Variants in RERE observed in about 807,000 individuals in gnomAD.
The protein encoded by RERE is arginine-glutamic acid dipeptide repeats.
In RERE, 40 loss-of-function variants were observed where a neutral mutation model predicts 146.1. That is an observed-to-expected ratio of 0.27 (90% CI 0.21 to 0.36). The LOEUF is 0.36. Ranked by LOEUF, RERE falls within the 10% of genes least tolerant of loss-of-function variation. The probability of loss-of-function intolerance (pLI) is 1.00; values close to 1 mark genes in which losing one functional copy is unlikely to be tolerated. For missense variants in RERE, 1,933 were observed against 2,138.7 expected (o/e 0.90, Z 1.90); for synonymous variants, 1,003 against 866.0 (o/e 1.16, Z -2.78).
At position 8,356,100 on chromosome 1, in the gene RERE, C is replaced by T. The variant is rs202052220; in HGVS notation, c.4486G>A (p.Gly1496Ser). The change falls in exon 21 of 23, where the codon GGC (glycine) becomes AGC (serine). Residue 1496 changes from glycine to serine, a missense_variant and splice_region_variant. This residue lies in a region of RERE where 133 missense variants were observed against 168.6 expected (regional missense o/e 0.79). Coordinates refer to ENST00000400908, the MANE Select transcript of RERE (RefSeq NM_001042681.2). This position sits in a 1 kb window ranked among gnomAD's most constrained non-coding sequence, Gnocchi z 5.2. ...GCCCCTCCTGGAGGGGAAGTCTTAC[C>T]GAAAACTGGGTGGCGAAGCATCTCG... ...EHEMLRHPVF[G>S]TPYPRDLPGA... The T allele has an allele frequency of 3.3e-5, 49 of 1,496,906 alleles. No individual in the cohort carries two copies. The highest frequency in any genetic ancestry group is 4.1e-5 in the Non-Finnish European group (46 of 1,125,932). The allele number at this position is 1,496,906 out of a possible 1,614,324, so 92.7% of individuals were successfully genotyped here.
At chr1:8,409,808 G>A (rs1037258561) in intron 12 of RERE, among the ~76,000 whole-genome samples, 2 of 151,962 alleles carry the variant, frequency 1.3e-5, no homozygotes, top group African/African-American at 2.4e-5. Context: ...AGGGCCTGGC[G>A]ACATGATCAA....
At chr1:8,675,407 C>A (rs1349821004) in intron 1 of RERE, among the ~76,000 whole-genome samples, 1 of 147,952 alleles carries the variant, frequency 6.8e-6, no homozygotes, top group Admixed American at 7.0e-5. Flanking sequence ...CCTGTAATCC[C>A]AAACACTTTG....
intron 1 of RERE, among the ~76,000 whole-genome samples, chr1:8,744,742 G>A (rs185967161): frequency 6.6e-6 from 1 of 152,296 alleles, no homozygotes; most frequent in East Asian, 1.9e-4. Context: ...GTTCTACACT[G>A]CATTTTGTGG....
At chr1:8,795,561 T>C (rs1262005948) in intron 1 of RERE, among the ~76,000 whole-genome samples, 1 of 152,218 alleles carries the variant, frequency 6.6e-6, no homozygotes, top group Non-Finnish European at 1.5e-5. Context: ...CACATAATCA[T>C]ACTTCAAGCC....
chr1:8,408,195 C>A (rs945865041), intron 12 of RERE, among the ~76,000 whole-genome samples: 1 of 151,826 alleles, frequency 6.6e-6, no homozygotes, highest in African/African-American at 2.4e-5. Context: ...CTAAGTTAAC[C>A]TCCTCAGCCA....
intron 2 of RERE, among the ~76,000 whole-genome samples, chr1:8,627,509 G>A (rs570405127): frequency 1.3e-5 from 2 of 151,922 alleles, no homozygotes; most frequent in South Asian, 2.1e-4. Context: ...CTTAGAGGCA[G>A]GAGGATTGCT....
rs72867504 is a variant in RERE, at chr1:8,493,711, T to C, written c.1104+1352A>G. 1.7e-3 allele frequency among the ~76,000 whole-genome samples: 264 copies of C among 151,818 alleles called. 1 individual carries two copies. The highest frequency in any genetic ancestry group is 5.1e-3 in the African/African-American group (212 of 41,366). ...CTAACTATAGTGACCTCTCAAGAAA[T>C]TAAAAAAAAAGAAAAAAGAAAAAGA... On this transcript the variant is annotated intron_variant, in intron 10 of 22. Coordinates refer to ENST00000400908, the MANE Select transcript of RERE (RefSeq NM_001042681.2).
intron 1 of RERE, among the ~76,000 whole-genome samples, chr1:8,683,452 C>T (rs1383793884): frequency 6.6e-6 from 1 of 152,090 alleles, no homozygotes; most frequent in African/African-American, 2.4e-5. Context: ...AGGGATGGGA[C>T]ACCTTTCCAA....
intron 12 of RERE, among the ~76,000 whole-genome samples, chr1:8,415,801 T>TG (rs1467418248): frequency 3.3e-5 from 5 of 152,250 alleles, no homozygotes; most frequent in African/African-American, 1.2e-4. Context: ...TCCATTTTAA[T>TG]GGGAACAAAC....
At chr1:8,611,531 C>T in intron 4 of RERE, among the ~76,000 whole-genome samples, 1 of 152,050 alleles carries the variant, frequency 6.6e-6, no homozygotes, top group Non-Finnish European at 1.5e-5. Context: ...AACAAAAAAA[C>T]ACTACTCAAA....
chr1:8,641,458 G>A (rs1395147305), intron 2 of RERE, among the ~76,000 whole-genome samples: 1 of 152,130 alleles, frequency 6.6e-6, no homozygotes, highest in Non-Finnish European at 1.5e-5. Context: ...AAAGGACAGA[G>A]GATTTTAATA....
chr1:8,765,789 T>C (rs1640834834), intron 1 of RERE, among the ~76,000 whole-genome samples: 1 of 152,110 alleles, frequency 6.6e-6, no homozygotes, highest in Non-Finnish European at 1.5e-5. Context: ...CCGTCTCTAC[T>C]AAAAATACAA....
At chr1:8,537,943 GTGC>G (rs978117325) in intron 7 of RERE, among the ~76,000 whole-genome samples, 1 of 152,208 alleles carries the variant, frequency 6.6e-6, no homozygotes, top group African/African-American at 2.4e-5. Context: ...CAAAATTTCA[GTGC>G]TGTTCAATAT....
chr1:8,458,262 AGAT>A (rs998504141), intron 11 of RERE, among the ~76,000 whole-genome samples: 36 of 152,292 alleles, frequency 2.4e-4, no homozygotes, highest in African/African-American at 7.2e-4. Flanking sequence ...GAACAGAGAA[AGAT>A]GATAGAGAGT....
chr1:8,800,940 G>C (rs114364116), intron 1 of RERE, among the ~76,000 whole-genome samples: 1,767 of 152,024 alleles, frequency 0.012, 24 homozygotes, highest in Non-Finnish European at 0.02. Flanking sequence ...ACTCCACCTG[G>C]GTGATACAGC....
chr1:8,483,772 A>C (rs963657937), intron 10 of RERE, among the ~76,000 whole-genome samples: 11 of 152,230 alleles, frequency 7.2e-5, no homozygotes, highest in African/African-American at 2.4e-4. Flanking sequence ...TCTTTGCTGA[A>C]GGAGATGTGG....
intron 10 of RERE, among the ~76,000 whole-genome samples, chr1:8,481,041 G>T (rs971004461): frequency 1.1e-4 from 16 of 152,324 alleles, no homozygotes; most frequent in Admixed American, 3.9e-4. Flanking sequence ...AAACAGGAAG[G>T]AGATGCAGGA....
At chr1:8,542,070 A>G (rs1185575387) in intron 6 of RERE, among the ~76,000 whole-genome samples, 2 of 152,210 alleles carry the variant, frequency 1.3e-5, no homozygotes, top group Non-Finnish European at 2.9e-5. Context: ...GTTTCCATGC[A>G]CCAAGTATCA....
intron 12 of RERE, among the ~76,000 whole-genome samples, chr1:8,384,369 G>A (rs755373131): frequency 3.9e-4 from 59 of 152,134 alleles, no homozygotes; most frequent in Admixed American, 1.7e-3. Context: ...ATGTGCTGAC[G>A]TGCTCAGAAA....
Sources: gnomAD v4.1 joint callset for allele counts (sites outside exome capture counted in the v4.1 genomes callset) on GRCh38, gnomAD v4.1.1 for gene constraint, gnomAD v4.1.1 regional missense constraint, Gnocchi (gnomAD v3.1) non-coding constraint, MANE v1.5 for transcripts, NCBI Gene and HGNC (gene_info 2026-07-23, HGNC 2026-07-21) for gene names.